Variants in THSD4 observed in about 807,000 individuals in gnomAD.
The protein encoded by THSD4 is thrombospondin type-1 domain-containing protein 4.
THSD4 carries 69 observed loss-of-function variants against 119.0 expected under a neutral mutation model. The ratio of observed to expected loss-of-function variants is 0.58; its 90% CI spans 0.48 to 0.71. THSD4 has a LOEUF of 0.71. Among genes scored for constraint, THSD4 ranks in the 30% least tolerant of loss-of-function variants. THSD4 has a pLI of 0.00. For synonymous variants in THSD4, 524 were observed against 540.4 expected (o/e 0.97, Z 0.42); for missense variants, 1,393 against 1,391.1 (o/e 1.00, Z -0.02).
At chr15:71,710,116 A>G (rs1028024103) in intron 8 of THSD4, among the ~76,000 whole-genome samples, 16 of 152,236 alleles carry the variant, frequency 1.1e-4, no homozygotes, top group African/African-American at 3.6e-4. Context: ...GGCTGAGTCA[A>G]TGCTCCAAAG....
intron 7 of THSD4, among the ~76,000 whole-genome samples, chr15:71,453,236 C>T (rs143514849): frequency 2.0e-5 from 3 of 152,316 alleles, no homozygotes; most frequent in Non-Finnish European, 2.9e-5. Flanking sequence ...TCCCCTGTGG[C>T]AAGACATTGC....
chr15:71,384,825 G>A (rs2046275735), intron 6 of THSD4, among the ~76,000 whole-genome samples: 1 of 152,186 alleles, frequency 6.6e-6, no homozygotes, highest in Non-Finnish European at 1.5e-5. Context: ...ACATGTAAAG[G>A]TAGACATGAC....
At chr15:71,364,699 T>C (rs2045933521) in intron 6 of THSD4, among the ~76,000 whole-genome samples, 2 of 152,234 alleles carry the variant, frequency 1.3e-5, no homozygotes, top group African/African-American at 4.8e-5. Flanking sequence ...ACGCACATAG[T>C]TTAGTTTTAT....
At chr15:71,641,627 C>G (rs1168053155) in intron 7 of THSD4, among the ~76,000 whole-genome samples, 1 of 152,122 alleles carries the variant, frequency 6.6e-6, no homozygotes, top group Non-Finnish European at 1.5e-5. Flanking sequence ...TTTCTCATTA[C>G]TGTTTGGCAT....
chr15:71,683,849 C>T (rs915301107), intron 8 of THSD4, among the ~76,000 whole-genome samples: 2 of 152,130 alleles, frequency 1.3e-5, no homozygotes, highest in Non-Finnish European at 1.5e-5. Flanking sequence ...GTGGGAGGTG[C>T]CCATAGTCCC....
chr15:71,097,732 T>A (rs201658613), intron 1 of THSD4, among the ~76,000 whole-genome samples: 27,052 of 139,324 alleles, frequency 0.19, 2,872 homozygotes, highest in Admixed American at 0.25. Context: ...ATATATATTT[T>A]TTTTTTTAAG....
At chr15:71,267,588 A>G (rs1322880307) in intron 6 of THSD4, among the ~76,000 whole-genome samples, 2 of 151,592 alleles carry the variant, frequency 1.3e-5, no homozygotes, top group Non-Finnish European at 2.9e-5. Flanking sequence ...CATCATAATG[A>G]CAGGGTCAGA....
At chr15:71,623,275 C>T (rs1285953409) in intron 7 of THSD4, among the ~76,000 whole-genome samples, 3 of 152,188 alleles carry the variant, frequency 2.0e-5, no homozygotes, top group African/African-American at 7.2e-5. Context: ...TTAATGACAA[C>T]AACTACCATT....
rs113125594 is a variant in THSD4, at chr15:71,687,365, A to ATTGC, written c.1357+26634_1357+26637dup. Among the ~76,000 whole-genome samples the ATTGC allele has an allele frequency of 7.5e-3, 1,138 of 152,294 alleles. 14 individuals are homozygous for ATTGC. The highest frequency in any genetic ancestry group is 0.026 in the African/African-American group (1,086 of 41,576). On this transcript the variant is annotated intron_variant, in intron 8 of 17. Coordinates refer to ENST00000261862, the MANE Select transcript of THSD4 (RefSeq NM_024817.3). Reference sequence around the variant, plus strand: ...ACCAGGAAGCTATAACCAGAGCATTATTGCTTCCTCCTGACAGCACTTTCT... The same window carrying ATTGC: ...ACCAGGAAGCTATAACCAGAGCATTATTGCTTGCTTCCTCCTGACAGCACTTTCT...
intron 6 of THSD4, among the ~76,000 whole-genome samples, chr15:71,304,298 G>A (rs574860738): frequency 2.0e-3 from 297 of 152,088 alleles, no homozygotes; most frequent in Non-Finnish European, 3.4e-3. Context: ...GAGGAGTGAA[G>A]GGGAAAGAAG....
chr15:71,611,735 G>A, intron 7 of THSD4, among the ~76,000 whole-genome samples: 1 of 152,242 alleles, frequency 6.6e-6, no homozygotes, highest in East Asian at 1.9e-4. Context: ...AATTACAGGA[G>A]GCTTTTTGTT....
Position 71,489,825 on chromosome 15 carries a change from ATTT to A in THSD4, c.1152+78011_1152+78013del, listed in dbSNP as rs60388807. Among the ~76,000 whole-genome samples, 493 of 151,920 alleles carry A rather than the reference ATTT, an allele frequency of 3.2e-3. 9 individuals are homozygous for A. In the South Asian group the frequency reaches 0.043, roughly 13 times the overall value. ...GAAGTCCGCTGCTGTCATTTTAAACATTTTTTTTTTTCTATTTTGAAAATAAAA... is the reference window on the plus strand; with the variant it reads ...GAAGTCCGCTGCTGTCATTTTAAACATTTTTTTTCTATTTTGAAAATAAAA... On this transcript the variant is annotated intron_variant, in intron 7 of 17. Coordinates refer to ENST00000261862, the MANE Select transcript of THSD4 (RefSeq NM_024817.3).
chr15:71,688,707 CTGTGTGTGTG>C (rs55653630), intron 8 of THSD4, among the ~76,000 whole-genome samples: 230 of 133,484 alleles, frequency 1.7e-3, no homozygotes, highest in Middle Eastern at 7.3e-3. Context: ...TTTTGTATCT[CTGTGTGTGTG>C]TGTGTGTGTG....
At chr15:71,168,702 C>T (rs374131336) in intron 3 of THSD4, among the ~76,000 whole-genome samples, 36 of 152,206 alleles carry the variant, frequency 2.4e-4, no homozygotes, top group South Asian at 4.1e-4. Flanking sequence ...ACTATTAATG[C>T]GGTAGGATGT....
At position 71,136,183 on chromosome 15, in the gene THSD4, C is replaced by T. The variant is rs144420762; in HGVS notation, c.-79-5266C>T. 5.6e-3 allele frequency among the ~76,000 whole-genome samples: 848 copies of T among 151,530 alleles called. 4 individuals are homozygous for T. Among genetic ancestry groups the T allele is most frequent in the Non-Finnish European group, 9.6e-3 (650 of 67,878 alleles). On this transcript the variant is annotated intron_variant, in intron 1 of 17. Coordinates refer to ENST00000261862, the MANE Select transcript of THSD4 (RefSeq NM_024817.3). ...GACTTACGTCCCATCTCAGGTGGGA[C>T]GATCCAGTAAAAGCCAATTCCCGAC...
intron 4 of THSD4, among the ~76,000 whole-genome samples, chr15:71,222,702 G>C (rs2043984594): frequency 2.0e-5 from 3 of 152,156 alleles, no homozygotes; most frequent in Admixed American, 2.0e-4. Flanking sequence ...ATTTCCTGTT[G>C]GGAAGGAGTC....
chr15:71,610,718 T>C (rs534807565), intron 7 of THSD4, among the ~76,000 whole-genome samples: 1 of 152,282 alleles, frequency 6.6e-6, no homozygotes, highest in South Asian at 2.1e-4. Context: ...TTTAATAGAC[T>C]CTCCTTCCCC....
intron 7 of THSD4, among the ~76,000 whole-genome samples, chr15:71,564,767 TA>T (rs1248189089): frequency 1.2e-4 from 3 of 25,878 alleles, no homozygotes; most frequent in East Asian, 1.0e-3. Context: ...TATAATACAA[TA>T]TATATTGTAT....
At chr15:71,258,123 A>G (rs918099825) in intron 6 of THSD4, among the ~76,000 whole-genome samples, 2 of 152,198 alleles carry the variant, frequency 1.3e-5, no homozygotes, top group African/African-American at 4.8e-5. Flanking sequence ...TGTATAGTTT[A>G]GTTAATAGTA....
Sources: gnomAD v4.1 joint callset for allele counts (sites outside exome capture counted in the v4.1 genomes callset) on GRCh38, gnomAD v4.1.1 for gene constraint, MANE v1.5 for transcripts, NCBI Gene and HGNC (gene_info 2026-07-23, HGNC 2026-07-21) for gene names.